The following TMEM9 variants were observed in gnomAD, a reference collection of about 807,000 sequenced individuals.
TMEM9 encodes transmembrane protein 9.
Under a neutral mutation model 22.8 loss-of-function variants are expected in TMEM9, and 13 were observed. The ratio of observed to expected loss-of-function variants is 0.57; its 90% CI spans 0.37 to 0.91. TMEM9 has a LOEUF of 0.91. TMEM9 is among the 40% of genes least tolerant of loss of function. TMEM9 has a pLI of 0.01. For synonymous variants in TMEM9, 88 were observed against 93.0 expected, an observed-to-expected ratio of 0.95 and a Z score of 0.31; for missense variants, 182 against 238.1, an observed-to-expected ratio of 0.76 and a Z score of 1.55.
Position 201,140,110 on chromosome 1 carries a change from G to A in TMEM9, c.399+3710C>T, listed in dbSNP as rs775906825. Among the ~76,000 whole-genome samples, 45 of 152,206 alleles carry A rather than the reference G, an allele frequency of 3.0e-4. 1 individual carries two copies. Among genetic ancestry groups the A allele is most frequent in the Non-Finnish European group, 1.0e-4 (7 of 68,036 alleles). On this transcript the variant is annotated intron_variant, in intron 4 of 4. Transcript: ENST00000367330. ...AGGGGAGACTGCTCCTCAGTGGCCC[G>A]AGTCTTCTCCCCGGTGCCTGCATGT...
At chr1:201,136,833 G>A (rs1664034429) in intron 4 of TMEM9, among the ~76,000 whole-genome samples, 1 of 152,224 alleles carries the variant, frequency 6.6e-6, no homozygotes, top group South Asian at 2.1e-4. Flanking sequence ...CATCTCTTAA[G>A]GGATTAGTGC....
intron 2 of TMEM9, among the ~76,000 whole-genome samples, chr1:201,147,361 G>T (rs1354592232): frequency 6.6e-6 from 1 of 152,122 alleles, no homozygotes; most frequent in Admixed American, 6.5e-5. Context: ...ATTTGCAATG[G>T]CAGAGAGAAC....
chr1:201,152,161 G>GGTGTGTGTGT (rs3222916), intron 1 of TMEM9, among the ~76,000 whole-genome samples: 1 of 149,960 alleles, frequency 6.7e-6, no homozygotes, highest in East Asian at 2.0e-4. Flanking sequence ...AGGGGAAATG[G>GGTGTGTGTGT]GTGTGTGTGT....
In TMEM9 at chr1:201,135,779, C is replaced by G. The variant is rs376137963; in HGVS notation, c.436G>C (p.Gly146Arg). The G allele has an allele frequency of 1.6e-5, 25 of 1,611,888 alleles. No individual in the cohort carries two copies. Among genetic ancestry groups the G allele is most frequent in the Non-Finnish European group, 2.1e-5 (25 of 1,179,118 alleles). Residue 146 changes from glycine (G) to arginine (R), a missense_variant, in exon 5 of 5, where the codon GGG (glycine) becomes CGG (arginine). Coordinates refer to ENST00000367330, the MANE Select transcript of TMEM9 (RefSeq NM_001288565.2). ...RSMAAAAASL[G>R]GPRANTVLER... ...AGGACTGTGTTTGCTCGGGGTCCCC[C>G]GAGGGATGCAGCAGCTGCTGCCATA... is the stretch of plus-strand genomic sequence containing the variant.
At chr1:201,159,419 C>A (rs1194939311), upstream of TMEM9, among the ~76,000 whole-genome samples, 1 of 152,086 alleles carries the variant, frequency 6.6e-6, no homozygotes, top group Non-Finnish European at 1.5e-5. Context: ...GTACCCTTTT[C>A]TAGCTGGGCA....
At chr1:201,150,489 A>G (rs988220156) in intron 2 of TMEM9, among the ~76,000 whole-genome samples, 4 of 152,226 alleles carry the variant, frequency 2.6e-5, no homozygotes, top group Admixed American at 6.5e-5. Context: ...CATACTTAAC[A>G]CAGAAAATAC....
chr1:201,143,008 C>T (rs187109267), intron 4 of TMEM9, among the ~76,000 whole-genome samples: 5 of 152,330 alleles, frequency 3.3e-5, no homozygotes, highest in Admixed American at 1.3e-4. Context: ...CGGGTTTCCT[C>T]GCCATGGTGT....
intron 1 of TMEM9, chr1:201,153,645 G>T: frequency 9.2e-7 from 1 of 1,084,508 alleles, no homozygotes. Context: ...GTGAGCCAGT[G>T]CTCTGTGCCC....
At chr1:201,145,616 T>G (rs567692791) in intron 3 of TMEM9, 2 of 152,198 alleles carry the variant, frequency 1.3e-5, no homozygotes, top group African/African-American at 4.8e-5. Flanking sequence ...TCCAATGCTA[T>G]TTATAGACTC....
intron 4 of TMEM9, among the ~76,000 whole-genome samples, chr1:201,141,346 CACTGAGAAA>C (rs1221620287): frequency 3.3e-5 from 5 of 152,194 alleles, no homozygotes; most frequent in African/African-American, 1.2e-4. Flanking sequence ...TTTCTGAATA[CACTGAGAAA>C]AGCAGAGTTG....
intron 1 of TMEM9, among the ~76,000 whole-genome samples, chr1:201,165,828 T>C (rs1666060975): frequency 6.6e-6 from 1 of 152,212 alleles, no homozygotes; most frequent in Admixed American, 6.5e-5. Context: ...TCTCCACTCA[T>C]GTCCCCTGAT....
chr1:201,164,288 G>A (rs1464734984), intron 1 of TMEM9, among the ~76,000 whole-genome samples: 1 of 152,146 alleles, frequency 6.6e-6, no homozygotes, highest in Non-Finnish European at 1.5e-5. Flanking sequence ...TGATGGAAAT[G>A]TTTTGTATCT....
chr1:201,147,151 G>A (rs749063391), intron 2 of TMEM9, among the ~76,000 whole-genome samples: 5 of 152,154 alleles, frequency 3.3e-5, no homozygotes, highest in Non-Finnish European at 7.3e-5. Context: ...CTCATGCTAT[G>A]TTCTCCCGGC....
At chr1:201,148,581 T>C (rs1665180297) in intron 2 of TMEM9, among the ~76,000 whole-genome samples, 1 of 152,202 alleles carries the variant, frequency 6.6e-6, no homozygotes, top group African/African-American at 2.4e-5. Context: ...GGATAATCTT[T>C]AAAAGGCCCT....
upstream of TMEM9, among the ~76,000 whole-genome samples, chr1:201,155,192 G>A (rs1012539586): frequency 1.4e-4 from 21 of 152,216 alleles, no homozygotes; most frequent in African/African-American, 4.8e-4. Context: ...TGGCCCTGGC[G>A]CTCCCCCTAA....
intron 1 of TMEM9, 152 bp from the exon 2 acceptor site, chr1:201,152,004 C>T: frequency 3.3e-6 from 2 of 614,452 alleles, no homozygotes; most frequent in Non-Finnish European, 5.8e-6. Flanking sequence ...AGTTCAAATC[C>T]AGCAAGGACT....
intron 1 of TMEM9, among the ~76,000 whole-genome samples, chr1:201,161,144 A>T (rs1009229182): frequency 2.7e-5 from 4 of 150,850 alleles, no homozygotes; most frequent in Non-Finnish European, 4.4e-5. Flanking sequence ...AGTGGCATTA[A>T]TTTTTTTTTT....
intron 4 of TMEM9, among the ~76,000 whole-genome samples, chr1:201,137,080 T>TG (rs1368488636): frequency 1.3e-5 from 2 of 152,242 alleles, no homozygotes; most frequent in Admixed American, 1.3e-4. Context: ...GCGTTAGAGA[T>TG]GGACACTGCC....
chr1:201,145,490 G>C (rs1418386359), intron 3 of TMEM9: 1 of 152,444 alleles, frequency 6.6e-6, no homozygotes, highest in East Asian at 1.9e-4. Flanking sequence ...CTACAGCACA[G>C]GGCTCCCTGG....
Sources: gnomAD v4.1 joint callset for allele counts (sites outside exome capture counted in the v4.1 genomes callset) on GRCh38, gnomAD v4.1.1 for gene constraint, MANE v1.5 for transcripts, NCBI Gene and HGNC (gene_info 2026-07-23, HGNC 2026-07-21) for gene names.